ZNF618: variants seen among roughly 807,000 people sequenced by gnomAD.
The protein encoded by ZNF618 is zinc finger protein 618.
A neutral mutation model predicts 103.0 loss-of-function variants in ZNF618; 34 were observed. That is an observed-to-expected ratio of 0.33 (90% CI 0.25 to 0.44). The LOEUF (loss-of-function observed/expected upper bound fraction) is 0.44. Ranked by LOEUF, ZNF618 falls within the 20% of genes least tolerant of loss-of-function variation. The pLI is 1.00. For synonymous variants in ZNF618, 551 were observed against 542.2 expected (o/e 1.02, Z -0.23); for missense variants, 1,059 against 1,295.4 (o/e 0.82, Z 2.80).
chr9:113,917,957 A>G lies in ZNF618; in HGVS notation c.33+41544A>G, dbSNP rs890177468. On this transcript the variant is annotated intron_variant, in intron 1 of 14. Transcript: ENST00000374126. ...TTAACTAACCTGTAGACCTATTCACATTTCACCAATGGCCCCATTAATGGT... is the reference window on the plus strand; with the variant it reads ...TTAACTAACCTGTAGACCTATTCACGTTTCACCAATGGCCCCATTAATGGT... Among the ~76,000 whole-genome samples the G allele has an allele frequency of 9.0e-4, 137 of 152,130 alleles. 1 individual carries two copies. Among genetic ancestry groups the G allele is most frequent in the African/African-American group, 3.2e-3 (131 of 41,424 alleles).
At chr9:113,987,457 C>T (rs1442117423) in intron 2 of ZNF618, among the ~76,000 whole-genome samples, 3 of 152,172 alleles carry the variant, frequency 2.0e-5, no homozygotes, top group Admixed American at 1.3e-4. Flanking sequence ...GTTTAAAGAG[C>T]CCCCTCCATG....
intron 3 of ZNF618, among the ~76,000 whole-genome samples, chr9:113,993,009 G>C (rs1362985917): frequency 6.6e-6 from 1 of 152,228 alleles, no homozygotes; most frequent in Non-Finnish European, 1.5e-5. Context: ...TCCTTTTATA[G>C]TAAGAAGAGC....
chr9:113,957,488 C>T (rs1836419531), intron 1 of ZNF618, among the ~76,000 whole-genome samples: 1 of 152,182 alleles, frequency 6.6e-6, no homozygotes, highest in African/African-American at 2.4e-5. Flanking sequence ...AGTCTGAGGG[C>T]CAGAGACTGC....
chr9:114,035,402 C>T (rs922983998), intron 12 of ZNF618, among the ~76,000 whole-genome samples: 14 of 152,066 alleles, frequency 9.2e-5, no homozygotes, highest in South Asian at 2.1e-4. Flanking sequence ...CAGCCCTGGG[C>T]GGGTGGAGCA....
chr9:113,944,494 GTCT>G (rs1308064157), intron 1 of ZNF618, among the ~76,000 whole-genome samples: 1 of 152,124 alleles, frequency 6.6e-6, no homozygotes, highest in Admixed American at 6.5e-5. Flanking sequence ...GGCCAGGCTG[GTCT>G]TGAACTCCTG....
chr9:113,986,065 C>T (rs1457357336), intron 2 of ZNF618, among the ~76,000 whole-genome samples: 1 of 152,166 alleles, frequency 6.6e-6, no homozygotes, highest in Non-Finnish European at 1.5e-5. Context: ...GGAGGAGGCG[C>T]CCCTGGGTGC....
intron 13 of ZNF618, among the ~76,000 whole-genome samples, chr9:114,046,785 T>A (rs1845695819): frequency 6.6e-6 from 1 of 152,236 alleles, no homozygotes; most frequent in Non-Finnish European, 1.5e-5. Flanking sequence ...TTTCCGCATC[T>A]ATTGAGATGA....
At chr9:113,892,762 A>G (rs1829721165) in intron 1 of ZNF618, among the ~76,000 whole-genome samples, 1 of 152,162 alleles carries the variant, frequency 6.6e-6, no homozygotes, top group Non-Finnish European at 1.5e-5. Context: ...TTTGGAATAT[A>G]TTTGGTTTAA....
intron 1 of ZNF618, among the ~76,000 whole-genome samples, chr9:113,933,425 A>G (rs767698864): frequency 2.0e-5 from 3 of 152,176 alleles, no homozygotes; most frequent in South Asian, 4.1e-4. Flanking sequence ...AAGAAGTACA[A>G]TTCCACTGGG....
chr9:113,932,153 T>C (rs1158451682), intron 1 of ZNF618, among the ~76,000 whole-genome samples: 1 of 152,010 alleles, frequency 6.6e-6, no homozygotes, highest in African/African-American at 2.4e-5. Context: ...GGGCAGGTAA[T>C]GGAGTGGAGG....
chr9:113,948,593 T>C (rs1835267095), intron 1 of ZNF618, among the ~76,000 whole-genome samples: 1 of 152,186 alleles, frequency 6.6e-6, no homozygotes, highest in Non-Finnish European at 1.5e-5. Context: ...TAAAAGGCCA[T>C]GTGTTATTTA....
chr9:113,973,556 C>T (rs1461707617), intron 2 of ZNF618, among the ~76,000 whole-genome samples: 1 of 152,054 alleles, frequency 6.6e-6, no homozygotes, highest in East Asian at 1.9e-4. Context: ...CAAACTGGGT[C>T]GATTTTACAA....
At chr9:113,923,027 G>A (rs1169926928) in intron 1 of ZNF618, among the ~76,000 whole-genome samples, 1 of 151,988 alleles carries the variant, frequency 6.6e-6, no homozygotes, top group East Asian at 1.9e-4. Flanking sequence ...GTTTTGTTAA[G>A]TATTTATACC....
intron 1 of ZNF618, among the ~76,000 whole-genome samples, chr9:113,953,004 A>G (rs1385482612): frequency 6.6e-6 from 1 of 152,254 alleles, no homozygotes; most frequent in East Asian, 1.9e-4. Flanking sequence ...ACATAATAGT[A>G]TCTTAATACA....
At chr9:113,930,603 C>T (rs949119376) in intron 1 of ZNF618, among the ~76,000 whole-genome samples, 2 of 152,192 alleles carry the variant, frequency 1.3e-5, no homozygotes, top group African/African-American at 4.8e-5. Flanking sequence ...AGATGAAGTG[C>T]TCATTAATGT....
At chr9:113,958,681 C>T (rs377149644) in intron 1 of ZNF618, among the ~76,000 whole-genome samples, 2 of 151,890 alleles carry the variant, frequency 1.3e-5, no homozygotes, top group Non-Finnish European at 2.9e-5. Flanking sequence ...AAACACTACC[C>T]TGTTGTTGCT....
chr9:113,885,179 A>G (rs1400096805), intron 1 of ZNF618, among the ~76,000 whole-genome samples: 1 of 152,102 alleles, frequency 6.6e-6, no homozygotes, highest in East Asian at 1.9e-4. Context: ...CAGTGGGGCA[A>G]GGCAGGCCCT....
intron 1 of ZNF618, among the ~76,000 whole-genome samples, chr9:113,933,967 G>A (rs1366484962): frequency 6.6e-6 from 1 of 152,024 alleles, no homozygotes; most frequent in Admixed American, 6.6e-5. Context: ...TGGCATGGTG[G>A]TGTCATTGCT....
In ZNF618 at chr9:113,876,394, G is replaced by T; in HGVS notation, c.14G>T (p.Gly5Val). Reference protein sequence around the residue: MNQPGGAAAPQADGA... With the variant: MNQPVGAAAPQADGA... ...CCGCACGGACCCATGAACCAGCCGG[G>T]CGGCGCGGCGGCTCCGCAGGTACGA... Residue 5 changes from glycine (G) to valine (V), a missense_variant, in exon 1 of 15, where the codon GGC becomes GTC. Gly to Val is a moderately radical substitution (Grantham distance 109). This residue lies in a region of ZNF618 where 194 missense variants were observed against 209.0 expected (regional missense o/e 0.93). Transcript: ENST00000374126. The T allele has an allele frequency of 8.3e-7, 1 of 1,199,016 alleles. No individual in the cohort carries two copies. Among genetic ancestry groups the T allele is most frequent in the Non-Finnish European group, 1.0e-6 (1 of 967,152 alleles). The allele number at this position is 1,199,016 out of a possible 1,614,324, so 74.3% of individuals were successfully genotyped here. A position where few individuals can be genotyped will look rare whatever the true frequency, so the allele number is the denominator to read the frequency against.
Sources: allele counts gnomAD v4.1 joint callset (sites outside exome capture counted in the v4.1 genomes callset), GRCh38; gene constraint gnomAD v4.1.1; regional missense constraint gnomAD v4.1.1; transcripts MANE v1.5; gene names NCBI Gene and HGNC (gene_info 2026-07-23, HGNC 2026-07-21).